Variants in SESN1 observed in about 807,000 individuals in gnomAD.
SESN1 encodes the protein sestrin 1.
SESN1 carries 30 observed loss-of-function variants against 59.3 expected under a neutral mutation model. The observed-to-expected ratio is 0.51, with a 90% CI of 0.38 to 0.69. The LOEUF (loss-of-function observed/expected upper bound fraction) is 0.69. Among genes scored for constraint, SESN1 ranks in the 30% least tolerant of loss-of-function variants. The pLI is 0.00. For missense variants in SESN1, 566 were observed against 673.0 expected (o/e 0.84, Z 1.76); for synonymous variants, 197 against 219.9 (o/e 0.90, Z 0.92).
chr6:109,000,546 T>C lies in SESN1; in HGVS notation c.674A>G (p.Glu225Gly). 6.2e-7 allele frequency: 1 copy of C among 1,611,260 alleles called. No individual in the cohort carries two copies. The highest frequency in any genetic ancestry group is 8.5e-7 in the Non-Finnish European group (1 of 1,178,474). The part of the protein sequence containing the change: ...NAPQKLQNLG[E>G]LNKVLAHRPW... ...TCTATGGGCTAACACTTTGTTAAGT[T>C]CTCCTAAATTCTGTAGTTTTTGAGG... Residue 225 changes from glutamate (E) to glycine (G), a missense_variant, in exon 4 of 10, where the codon GAA becomes GGA. By Grantham distance (98) the Glu-to-Gly change is moderately conservative. Coordinates refer to ENST00000436639, the MANE Select transcript of SESN1 (RefSeq NM_014454.3).
chr6:108,990,565 A>G (rs565661433), intron 8 of SESN1, 80 bp downstream of exon 8: 1 of 1,237,134 alleles, frequency 8.1e-7, no homozygotes, highest in South Asian at 1.2e-5. Context: ...GTGTGTGTCT[A>G]TGTGCATGTG....
chr6:109,000,729 CTTTT>C (rs1779602958), intron 3 of SESN1, 56 bp from the exon 4 acceptor site: 38 of 1,300,324 alleles, frequency 2.9e-5, no homozygotes, highest in Non-Finnish European at 3.8e-5. Flanking sequence ...ACTACATATC[CTTTT>C]TATTTACAAC....
At chr6:109,037,518 A>G (rs949438046) in intron 1 of SESN1, among the ~76,000 whole-genome samples, 1 of 152,182 alleles carries the variant, frequency 6.6e-6, no homozygotes, top group Non-Finnish European at 1.5e-5. Context: ...CATCTAGTCC[A>G]ATGTGATGTA....
Position 109,020,579 on chromosome 6 carries a change from A to G in SESN1, c.280-18236T>C, listed in dbSNP as rs544520959. On this transcript the variant is annotated intron_variant, in intron 1 of 9. Coordinates refer to ENST00000436639, the MANE Select transcript of SESN1 (RefSeq NM_014454.3). ...CAAACTGAACAAATTGCACAGTGCA[A>G]TTCTATACAATTTTTTCCTCTTTAT... Among the ~76,000 whole-genome samples the G allele has an allele frequency of 2.0e-5, 3 of 152,302 alleles. No homozygotes were observed. The East Asian group carries it at 5.8e-4, about 29-fold the overall frequency.
intron 1 of SESN1, among the ~76,000 whole-genome samples, chr6:109,002,669 G>A: frequency 6.6e-6 from 1 of 152,166 alleles, no homozygotes; most frequent in South Asian, 2.1e-4. Flanking sequence ...TAAGACCAGT[G>A]TGTTTGTACA....
chr6:109,009,116 T>C, intron 1 of SESN1: 1 of 724,208 alleles, frequency 1.4e-6, no homozygotes. Flanking sequence ...TAGCATTTTC[T>C]GCCCAGGGAC....
Position 108,994,466 on chromosome 6 carries a change from A to G in SESN1, c.1116T>C (p.Ser372=). The G allele has an allele frequency of 1.9e-6, 3 of 1,611,484 alleles. No individual in the cohort carries two copies. The highest frequency in any genetic ancestry group is 2.5e-6 in the Non-Finnish European group (3 of 1,178,636). The part of the protein sequence containing the change: ...IEKRESMFVF[S]SDDEEVTPAR... ...CTATATAATGGTTGTTCTTACCTGA[A>G]GAGAAGACAAACATACTCTCTCTTT... The change falls in exon 6 of 10, where the codon TCT becomes TCC. Residue 372 remains serine (S), a synonymous_variant. Coordinates refer to ENST00000436639, the MANE Select transcript of SESN1 (RefSeq NM_014454.3).
At chr6:109,034,300 G>T (rs1026622910) in intron 1 of SESN1, among the ~76,000 whole-genome samples, 1 of 152,080 alleles carries the variant, frequency 6.6e-6, no homozygotes, top group African/African-American at 2.4e-5. Flanking sequence ...TTTGGTATTT[G>T]TAATGGTATA....
At chr6:109,011,444 A>C (rs940685546) in intron 1 of SESN1, among the ~76,000 whole-genome samples, 1 of 152,114 alleles carries the variant, frequency 6.6e-6, no homozygotes, top group African/African-American at 2.4e-5. Flanking sequence ...CAAGCCATTA[A>C]ATGTCAAGAT....
At chr6:109,041,209 G>A (rs998701543) in intron 1 of SESN1, among the ~76,000 whole-genome samples, 9 of 151,856 alleles carry the variant, frequency 5.9e-5, no homozygotes, top group Non-Finnish European at 1.0e-4. Flanking sequence ...CTACTTGGGG[G>A]GCTTAGGCAG....
chr6:109,084,469 G>A (rs1390118430), intron 1 of SESN1, among the ~76,000 whole-genome samples: 3 of 152,232 alleles, frequency 2.0e-5, no homozygotes, highest in East Asian at 1.9e-4. Context: ...CAGGAGAATC[G>A]TTTGAACCCT....
chr6:109,013,685 AC>A (rs1779893069), intron 1 of SESN1, among the ~76,000 whole-genome samples: 2 of 152,220 alleles, frequency 1.3e-5, no homozygotes, highest in Non-Finnish European at 2.9e-5. Context: ...TGGTTAGAAA[AC>A]ATACAGTAAT....
rs1417532377 is a variant in SESN1 at position 109,011,630 on chromosome 6, TTC to T, written c.280-9289_280-9288del. 3.5e-4 allele frequency among the ~76,000 whole-genome samples: 52 copies of T among 149,634 alleles called. No individual in the cohort carries two copies. In the East Asian group the frequency reaches 8.1e-3, roughly 23 times the overall value. On this transcript the variant is annotated intron_variant, in intron 1 of 9. Coordinates refer to ENST00000436639, the MANE Select transcript of SESN1 (RefSeq NM_014454.3). ...AACAAATGTATTTTTAAAATTTTTTTTCTTTTTTTTTTTTTTTGAGACAGAGT... is the reference window on the plus strand; with the variant it reads ...AACAAATGTATTTTTAAAATTTTTTTTTTTTTTTTTTTTTTGAGACAGAGT...
intron 1 of SESN1, among the ~76,000 whole-genome samples, chr6:109,083,362 A>G (rs539106833): frequency 6.6e-6 from 1 of 152,364 alleles, no homozygotes; most frequent in South Asian, 2.1e-4. Context: ...TTTTTAAAGT[A>G]TAACCTTTAT....
At chr6:109,032,272 C>CA (rs947989296) in intron 1 of SESN1, among the ~76,000 whole-genome samples, 2 of 151,442 alleles carry the variant, frequency 1.3e-5, no homozygotes, top group African/African-American at 4.9e-5. Flanking sequence ...AACTCTGCCT[C>CA]AAAAAAGTCT....
intron 1 of SESN1, among the ~76,000 whole-genome samples, chr6:109,027,904 C>A (rs895548304): frequency 6.6e-6 from 1 of 151,952 alleles, no homozygotes; most frequent in Non-Finnish European, 1.5e-5. Context: ...AACCTTTTGT[C>A]CATTTTTTAT....
intron 6 of SESN1, among the ~76,000 whole-genome samples, chr6:108,993,354 T>C (rs1779430425): frequency 2.6e-5 from 4 of 152,220 alleles, no homozygotes; most frequent in Admixed American, 2.6e-4. Flanking sequence ...ATTTTTACAG[T>C]GCTGCCTGCA....
At chr6:109,042,694 T>A (rs1014327915) in intron 1 of SESN1, among the ~76,000 whole-genome samples, 4 of 152,140 alleles carry the variant, frequency 2.6e-5, no homozygotes, top group Admixed American at 6.5e-5. Context: ...CTATTGCTAT[T>A]AAGAAAATTG....
chr6:109,081,587 T>C (rs936281945), intron 1 of SESN1, among the ~76,000 whole-genome samples: 14 of 152,188 alleles, frequency 9.2e-5, no homozygotes, highest in African/African-American at 3.4e-4. Flanking sequence ...TTCAAAAGCA[T>C]ACAGACTGCT....
Sources: gnomAD v4.1 joint callset for allele counts (sites outside exome capture counted in the v4.1 genomes callset) on GRCh38, gnomAD v4.1.1 for gene constraint, MANE v1.5 for transcripts, NCBI Gene and HGNC (gene_info 2026-07-23, HGNC 2026-07-21) for gene names.